Variants in SPOCK1 observed in about 807,000 individuals in gnomAD.
SPOCK1 encodes the protein testican-1.
SPOCK1 carries 23 observed loss-of-function variants against 55.3 expected under a neutral mutation model. The observed-to-expected ratio is 0.42, with a 90% confidence interval of 0.30 to 0.59. The LOEUF is 0.59. SPOCK1 is among the 20% of genes least tolerant of loss of function. SPOCK1 has a pLI of 0.22. For missense variants in SPOCK1, 499 were observed against 552.5 expected (o/e 0.90, Z 0.97); for synonymous variants, 226 against 221.0 (o/e 1.02, Z -0.20).
At chr5:137,138,901 G>A (rs192462228) in intron 4 of SPOCK1, among the ~76,000 whole-genome samples, 38 of 152,288 alleles carry the variant, frequency 2.5e-4, no homozygotes, top group Admixed American at 1.6e-3. Context: ...TATTGTAGTA[G>A]TGAAAACCAT....
rs965641751 is a variant in SPOCK1, at chr5:137,312,573, G to A, written c.187-45518C>T. Among the ~76,000 whole-genome samples, 5 of 152,102 alleles carry A rather than the reference G, an allele frequency of 3.3e-5. No individual in the cohort carries two copies. The South Asian group carries it at 8.3e-4, about 25-fold the overall frequency. On this transcript the variant is annotated intron_variant, in intron 2 of 10. Coordinates refer to ENST00000394945, the MANE Select transcript of SPOCK1 (RefSeq NM_004598.4). ...AATTTAAATTCAGATGCTGGGTTAC[G>A]AATTATATTATTCCAAGAAGTGCCA...
intron 2 of SPOCK1, among the ~76,000 whole-genome samples, chr5:137,488,211 T>A (rs1474578237): frequency 6.6e-6 from 1 of 152,080 alleles, no homozygotes; most frequent in Non-Finnish European, 1.5e-5. Flanking sequence ...ACCCCATCTC[T>A]ACTAAAAATA....
intron 5 of SPOCK1, among the ~76,000 whole-genome samples, chr5:137,110,466 A>T (rs982185280): frequency 6.6e-6 from 1 of 152,210 alleles, no homozygotes; most frequent in Admixed American, 6.5e-5. Flanking sequence ...AAAGACAATG[A>T]TGGCCTGATC....
chr5:137,074,982 C>T (rs985220923), intron 5 of SPOCK1, among the ~76,000 whole-genome samples: 1 of 151,960 alleles, frequency 6.6e-6, no homozygotes. Flanking sequence ...GGATTACAGG[C>T]GTGAGTCACC....
At chr5:137,041,233 T>C (rs1242665999) in intron 6 of SPOCK1, among the ~76,000 whole-genome samples, 66 of 152,286 alleles carry the variant, frequency 4.3e-4, no homozygotes, top group Non-Finnish European at 1.3e-4. Flanking sequence ...AAGGAAAGGA[T>C]AGTCATTTCA....
intron 4 of SPOCK1, among the ~76,000 whole-genome samples, chr5:137,118,399 T>C (rs1753628176): frequency 6.6e-6 from 1 of 152,146 alleles, no homozygotes; most frequent in South Asian, 2.1e-4. Context: ...ATGTCAACCT[T>C]AACCTTCAAC....
intron 3 of SPOCK1, among the ~76,000 whole-genome samples, chr5:137,219,273 G>A (rs1755801094): frequency 6.6e-6 from 1 of 152,188 alleles, no homozygotes; most frequent in African/African-American, 2.4e-5. Context: ...GATTCTGGCA[G>A]TGGGTGTCAA....
intron 2 of SPOCK1, among the ~76,000 whole-genome samples, chr5:137,404,575 A>ATTTTTTT (rs67609274): frequency 7.3e-6 from 1 of 137,808 alleles, no homozygotes. Context: ...CACCCAGCTA[A>ATTTTTTT]TTTTTTTTTT....
intron 3 of SPOCK1, among the ~76,000 whole-genome samples, chr5:137,231,226 G>A (rs1484712012): frequency 6.6e-6 from 1 of 152,128 alleles, no homozygotes; most frequent in Admixed American, 6.5e-5. Flanking sequence ...TGTATTTTTA[G>A]TAGAGGCAGG....
At position 137,402,544 on chromosome 5, in the gene SPOCK1, T is replaced by G. The variant is rs534000584; in HGVS notation, c.186+95829A>C. 2.6e-5 allele frequency among the ~76,000 whole-genome samples: 4 copies of G among 152,314 alleles called. No homozygotes were observed. The East Asian group carries it at 7.7e-4, about 29-fold the overall frequency. ...TAATTCCTTTTAGTAAGAATGGCAG[T>G]GAAAATCTCAACAACTCCATTAATT... On this transcript the variant is annotated intron_variant, in intron 2 of 10. Coordinates refer to ENST00000394945, the MANE Select transcript of SPOCK1 (RefSeq NM_004598.4).
intron 2 of SPOCK1, among the ~76,000 whole-genome samples, chr5:137,493,727 A>C (rs915618877): frequency 1.3e-5 from 2 of 152,062 alleles, no homozygotes; most frequent in African/African-American, 4.8e-5. Context: ...AATCAAAATG[A>C]TTTTCTGCTA....
At chr5:137,297,958 T>C (rs1204497121) in intron 2 of SPOCK1, among the ~76,000 whole-genome samples, 4 of 152,090 alleles carry the variant, frequency 2.6e-5, no homozygotes, top group Non-Finnish European at 5.9e-5. Flanking sequence ...ACAAACATGA[T>C]TCAAAGGCGG....
chr5:137,485,213 CCCCTCTATATT>C (rs1442219032), intron 2 of SPOCK1, among the ~76,000 whole-genome samples: 18 of 152,054 alleles, frequency 1.2e-4, no homozygotes, highest in African/African-American at 4.1e-4. Flanking sequence ...ATAAATATAT[CCCCTCTATATT>C]CCCTCTATAC....
chr5:137,358,088 G>C (rs1750857202), intron 2 of SPOCK1, among the ~76,000 whole-genome samples: 1 of 152,070 alleles, frequency 6.6e-6, no homozygotes, highest in South Asian at 2.1e-4. Flanking sequence ...GTTTTTCTAT[G>C]CAGAAGTCAG....
intron 4 of SPOCK1, among the ~76,000 whole-genome samples, chr5:137,114,339 T>G (rs986409284): frequency 6.6e-6 from 1 of 152,202 alleles, no homozygotes; most frequent in African/African-American, 2.4e-5. Context: ...TGCACACAGC[T>G]GTAGAGAGTG....
At chr5:137,072,219 C>A (rs991234984) in intron 5 of SPOCK1, among the ~76,000 whole-genome samples, 3 of 152,152 alleles carry the variant, frequency 2.0e-5, no homozygotes, top group Non-Finnish European at 4.4e-5. Context: ...AAAATTCAAA[C>A]CTTTATATTG....
At chr5:137,280,479 T>C (rs1432158311) in intron 2 of SPOCK1, among the ~76,000 whole-genome samples, 2 of 152,232 alleles carry the variant, frequency 1.3e-5, no homozygotes, top group South Asian at 4.1e-4. Flanking sequence ...ACTGAAAGAA[T>C]ACAAGGCAGA....
At chr5:137,138,492 CACACACAAACAT>C (rs60906865) in intron 4 of SPOCK1, among the ~76,000 whole-genome samples, 6,416 of 80,918 alleles carry the variant, frequency 0.079, 447 homozygotes, top group African/African-American at 0.27. Context: ...CTCCATCTTA[CACACACAAACAT>C]ACACACACAC....
intron 6 of SPOCK1, among the ~76,000 whole-genome samples, chr5:137,050,394 AC>A (rs1233348365): frequency 6.9e-6 from 1 of 145,906 alleles, no homozygotes; most frequent in African/African-American, 2.5e-5. Context: ...GGTGGGAGTG[AC>A]CCGATTTTCC....
Sources: gnomAD v4.1 joint callset for allele counts (sites outside exome capture counted in the v4.1 genomes callset) on GRCh38, gnomAD v4.1.1 for gene constraint, MANE v1.5 for transcripts, NCBI Gene and HGNC (gene_info 2026-07-23, HGNC 2026-07-21) for gene names.